The following MEI4 variants were observed in gnomAD, a reference collection of about 807,000 sequenced individuals.
The protein encoded by MEI4 is meiotic double-stranded break formation protein 4.
Under a neutral mutation model 31.4 loss-of-function variants are expected in MEI4, and 27 were observed. That is an observed-to-expected ratio of 0.86 (90% confidence interval 0.63 to 1.19). The LOEUF is 1.19. Ranked by LOEUF, MEI4 falls within the 50% of genes most tolerant of loss-of-function variation. MEI4 has a pLI of 0.00. For missense variants in MEI4, 329 were observed against 398.9 expected, an observed-to-expected ratio of 0.82 and a Z score of 1.49; for synonymous variants, 122 against 145.4, an observed-to-expected ratio of 0.84 and a Z score of 1.16.
chr6:77,729,890 G>A (rs1766928500), intron 2 of MEI4, among the ~76,000 whole-genome samples: 1 of 152,172 alleles, frequency 6.6e-6, no homozygotes, highest in South Asian at 2.1e-4. Flanking sequence ...AGAAAGTGAA[G>A]TAGATGCATG....
At chr6:77,879,163 A>G (rs1258947426) in intron 4 of MEI4, among the ~76,000 whole-genome samples, 3 of 152,140 alleles carry the variant, frequency 2.0e-5, no homozygotes. Context: ...TGAATTTAAA[A>G]TAAAAATCAT....
At chr6:77,834,416 ATATT>A (rs1339108138) in intron 4 of MEI4, among the ~76,000 whole-genome samples, 1 of 147,694 alleles carries the variant, frequency 6.8e-6, no homozygotes, top group Non-Finnish European at 1.5e-5. Flanking sequence ...ATTATATTAT[ATATT>A]TATAGATTAT....
At chr6:77,752,320 A>T (rs1379505637) in intron 2 of MEI4, among the ~76,000 whole-genome samples, 3 of 152,206 alleles carry the variant, frequency 2.0e-5, no homozygotes, top group African/African-American at 7.2e-5. Context: ...GAAAAGAGGA[A>T]GTCAAATTGT....
At chr6:77,663,506 TTTAG>T (rs1274413369) in intron 1 of MEI4, among the ~76,000 whole-genome samples, 10 of 152,018 alleles carry the variant, frequency 6.6e-5, no homozygotes, top group Non-Finnish European at 1.5e-4. Context: ...AAGCAGATAA[TTTAG>T]TTAAAGTGTC....
At position 77,820,993 on chromosome 6, in the gene MEI4, T is replaced by G. The variant is rs1315083978; in HGVS notation, c.769-7938T>G. ...CTATGTCTCTTAACCTCTACTCGTA[T>G]ATTGCATGCACATCATTTCTCTTTC... is the stretch of plus-strand genomic sequence containing the variant. On this transcript the variant is annotated intron_variant, in intron 3 of 4. Transcript: ENST00000684080. This position sits in a 1 kb window ranked among gnomAD's most constrained non-coding sequence, Gnocchi z 4.5. Among the ~76,000 whole-genome samples the G allele has an allele frequency of 6.6e-6, 1 of 152,098 alleles. No individual in the cohort carries two copies.
chr6:77,672,079 C>T (rs1467330636), intron 1 of MEI4, among the ~76,000 whole-genome samples: 1 of 152,174 alleles, frequency 6.6e-6, no homozygotes, highest in African/African-American at 2.4e-5. Flanking sequence ...CTGAAGTCAG[C>T]AGAACGTCTG....
At chr6:77,753,097 TAACTC>T (rs1767822305) in intron 2 of MEI4, among the ~76,000 whole-genome samples, 1 of 152,106 alleles carries the variant, frequency 6.6e-6, no homozygotes, top group Non-Finnish European at 1.5e-5. Flanking sequence ...ACACAAAAAT[TAACTC>T]AAGATGGATT....
At chr6:77,786,024 C>G (rs1023847638) in intron 3 of MEI4, among the ~76,000 whole-genome samples, 1 of 152,114 alleles carries the variant, frequency 6.6e-6, no homozygotes. Context: ...TTTTGCCTTT[C>G]ACAGTCTCTG....
intron 2 of MEI4, among the ~76,000 whole-genome samples, chr6:77,745,646 C>T (rs1322695303): frequency 6.6e-6 from 1 of 152,154 alleles, no homozygotes; most frequent in Non-Finnish European, 1.5e-5. Flanking sequence ...GAACTCTCCA[C>T]CCCAAATCAA....
chr6:77,740,511 G>A (rs962325364), intron 2 of MEI4, among the ~76,000 whole-genome samples: 2 of 152,138 alleles, frequency 1.3e-5, no homozygotes, highest in African/African-American at 4.8e-5. Context: ...AGAGGCAGAA[G>A]TCAATTGCTT....
At chr6:77,887,524 T>TG (rs1468322297) in intron 4 of MEI4, among the ~76,000 whole-genome samples, 5 of 152,222 alleles carry the variant, frequency 3.3e-5, no homozygotes, top group African/African-American at 1.2e-4. Context: ...CTCGAACTCC[T>TG]GACCTCAGAT....
intron 3 of MEI4, among the ~76,000 whole-genome samples, chr6:77,796,035 A>T (rs1314491470): frequency 1.3e-5 from 2 of 152,222 alleles, no homozygotes; most frequent in African/African-American, 4.8e-5. Flanking sequence ...TCAGCAGCAC[A>T]TTAAAAAGAT....
At chr6:77,863,848 C>T (rs965823915) in intron 4 of MEI4, among the ~76,000 whole-genome samples, 2 of 152,134 alleles carry the variant, frequency 1.3e-5, no homozygotes, top group South Asian at 2.1e-4. Context: ...GGGTTACCCA[C>T]GAAGAGAAGA....
chr6:77,866,213 T>G (rs1487707494), intron 4 of MEI4, among the ~76,000 whole-genome samples: 3 of 151,994 alleles, frequency 2.0e-5, no homozygotes, highest in Non-Finnish European at 2.9e-5. Flanking sequence ...CAACATAGTG[T>G]TGGAAGTTCT....
chr6:77,908,115 G>GAATA (rs1766343273), intron 4 of MEI4, among the ~76,000 whole-genome samples: 1 of 151,654 alleles, frequency 6.6e-6, no homozygotes, highest in Non-Finnish European at 1.5e-5. Flanking sequence ...TCACTCTGAT[G>GAATA]GTAGTTTCTT....
At chr6:77,858,988 C>T (rs1277760147) in intron 4 of MEI4, among the ~76,000 whole-genome samples, 1 of 151,858 alleles carries the variant, frequency 6.6e-6, no homozygotes, top group Non-Finnish European at 1.5e-5. Flanking sequence ...TGGTTTGCTG[C>T]ACCTAGTGAC....
chr6:77,712,664 TAATG>T (rs1766492457), intron 2 of MEI4, among the ~76,000 whole-genome samples: 1 of 152,086 alleles, frequency 6.6e-6, no homozygotes, highest in South Asian at 2.1e-4. Context: ...ATGTATAAAT[TAATG>T]AAGAAAGGAA....
intron 4 of MEI4, among the ~76,000 whole-genome samples, chr6:77,919,059 A>G (rs1295329819): frequency 2.0e-5 from 3 of 152,052 alleles, no homozygotes; most frequent in Non-Finnish European, 2.9e-5. Context: ...GGAGACTTTA[A>G]CACCCCACTG....
chr6:77,678,423 A>C (rs967476992), intron 1 of MEI4, among the ~76,000 whole-genome samples: 1 of 152,152 alleles, frequency 6.6e-6, no homozygotes, highest in African/African-American at 2.4e-5. Context: ...ATGGAATTTG[A>C]AATGTTTGGT....
Sources: gnomAD v4.1 joint callset for allele counts (sites outside exome capture counted in the v4.1 genomes callset) on GRCh38, gnomAD v4.1.1 for gene constraint, Gnocchi (gnomAD v3.1) non-coding constraint, MANE v1.5 for transcripts, NCBI Gene and HGNC (gene_info 2026-07-23, HGNC 2026-07-21) for gene names.